Variants in TRANK1 observed in about 807,000 individuals in gnomAD.
TRANK1 encodes the protein TPR and ankyrin repeat-containing protein 1.
TRANK1 carries 198 observed loss-of-function variants against 266.0 expected under a neutral mutation model. The ratio of observed to expected loss-of-function variants is 0.74; its 90% CI spans 0.66 to 0.84. The LOEUF (loss-of-function observed/expected upper bound fraction) is 0.84. Among genes scored for constraint, TRANK1 ranks in the 40% least tolerant of loss-of-function variants. TRANK1 has a pLI of 0.00. For synonymous variants in TRANK1, 1,396 were observed against 1,384.1 expected, an observed-to-expected ratio of 1.01 and a Z score of -0.19; for missense variants, 3,326 against 3,634.6, an observed-to-expected ratio of 0.92 and a Z score of 2.18.
chr3:36,836,303 G>GTA (rs1214124265), intron 20 of TRANK1, among the ~76,000 whole-genome samples: 3 of 129,580 alleles, frequency 2.3e-5, no homozygotes, highest in Non-Finnish European at 5.1e-5. Context: ...AAGGTGCTAT[G>GTA]TGTGGGAGCC....
At position 36,833,577 on chromosome 3, in the gene TRANK1, C is replaced by T. The variant is rs758703733; in HGVS notation, c.6006G>A (p.Arg2002=). ...LLGAARLNVA[R]DSDIEHTKDI... ...CCTTGGTGTGTTCTATGTCGGAATC[C>T]CTGGCCACATTGAGGCGGGCGGCCC... Residue 2002 remains arginine, a synonymous_variant, in exon 22 of 24, where the codon AGG becomes AGA. Transcript: ENST00000645898. The T allele has an allele frequency of 4.0e-5, 64 of 1,613,798 alleles. No individual in the cohort carries two copies. The highest frequency in any genetic ancestry group is 5.2e-5 in the Non-Finnish European group (61 of 1,179,900).
At chr3:36,910,490 A>T (rs2080035532) in intron 1 of TRANK1, among the ~76,000 whole-genome samples, 1 of 152,216 alleles carries the variant, frequency 6.6e-6, no homozygotes, top group Non-Finnish European at 1.5e-5. Flanking sequence ...CTGTAATCCC[A>T]GCACTTTGGG....
chr3:36,906,920 C>T (rs1376258275), intron 2 of TRANK1, among the ~76,000 whole-genome samples: 1 of 152,168 alleles, frequency 6.6e-6, no homozygotes, highest in Non-Finnish European at 1.5e-5. Context: ...GAAACTAATA[C>T]AATAATTAAG....
Position 36,933,601 on chromosome 3 carries a change from G to A in TRANK1, c.23+11186C>T, listed in dbSNP as rs147950938. On this transcript the variant is annotated intron_variant, in intron 1 of 23. Coordinates refer to ENST00000645898, the MANE Select transcript of TRANK1 (RefSeq NM_001329998.2). ...ACACTACCTGTCACCTGCCATTTCT[G>A]GGTGGGCAGGAAAGACAGGCCTAGA... is the stretch of plus-strand genomic sequence containing the variant. Among the ~76,000 whole-genome samples, 240 of 152,318 alleles carry A rather than the reference G, an allele frequency of 1.6e-3. 2 individuals carry two copies. Among genetic ancestry groups the A allele is most frequent in the Middle Eastern group, 6.8e-3 (2 of 294 alleles).
Position 36,883,145 on chromosome 3 carries a change from A to T in TRANK1, c.907+6684T>A, listed in dbSNP as rs11921747. On this transcript the variant is annotated intron_variant, in intron 8 of 23. Transcript: ENST00000645898. ...GGAGTGATTTCCAGGACATACTCTC[A>T]GTGAAAAAAATCAGGCAAGGTGCAA... Among the ~76,000 whole-genome samples, 24 of 151,734 alleles carry T rather than the reference A, an allele frequency of 1.6e-4. No homozygotes were observed. In the East Asian group the frequency reaches 4.7e-3, roughly 30 times the overall value.
At chr3:36,860,301 G>A (rs2079124192) in intron 11 of TRANK1, among the ~76,000 whole-genome samples, 1 of 152,164 alleles carries the variant, frequency 6.6e-6, no homozygotes, top group African/African-American at 2.4e-5. Flanking sequence ...TGGCATTAGT[G>A]GAGGTGTGAG....
intron 1 of TRANK1, among the ~76,000 whole-genome samples, chr3:36,942,785 C>G (rs1415938737): frequency 6.6e-6 from 1 of 151,778 alleles, no homozygotes; most frequent in African/African-American, 2.4e-5. Context: ...TCCTCATACT[C>G]TGGGAGAGCG....
In TRANK1 at chr3:36,892,830, A is replaced by C. The variant is rs920416163; in HGVS notation, c.636+71T>G. ...GCGAAAGGGCGAGACTCAGTCTCAA[A>C]ACAAAACAAAACAAAACAAAACATA... On this transcript the variant is annotated intron_variant, in intron 6 of 23. Coordinates refer to ENST00000645898, the MANE Select transcript of TRANK1 (RefSeq NM_001329998.2). 2.3e-5 allele frequency: 14 copies of C among 615,732 alleles called. No individual in the cohort carries two copies. In the South Asian group the frequency reaches 4.1e-4, roughly 18 times the overall value. 38.1% of individuals were successfully genotyped at this position (615,732 alleles called of 1,614,324 possible). A position where few individuals can be genotyped will look rare whatever the true frequency, so the allele number is the denominator to read the frequency against.
intron 9 of TRANK1, among the ~76,000 whole-genome samples, chr3:36,870,311 G>C (rs933101244): frequency 6.6e-5 from 10 of 152,156 alleles, no homozygotes; most frequent in African/African-American, 2.4e-4. Context: ...GGAGGCTGAG[G>C]CAGGAGAATC....
In TRANK1 at chr3:36,874,190, G is replaced by C. The variant is rs921106767; in HGVS notation, c.1014C>G (p.Phe338Leu). ...GACTGTTGATTTTCTCGATGGCTTTGAAGTTCTTATTCCTCTTCAGGACAT... is the reference window on the plus strand; with the variant it reads ...GACTGTTGATTTTCTCGATGGCTTTCAAGTTCTTATTCCTCTTCAGGACAT... ...VVDVLKRNKN[F>L]KAIEKINSHL... The change falls in exon 9 of 24, where the codon TTC becomes TTG. Residue 338 changes from phenylalanine (F) to leucine (L), a missense_variant. Phe to Leu is a conservative substitution (Grantham distance 22). Coordinates refer to ENST00000645898, the MANE Select transcript of TRANK1 (RefSeq NM_001329998.2). 2.6e-6 allele frequency: 4 copies of C among 1,537,418 alleles called. No homozygotes were observed. In the South Asian group the frequency reaches 4.8e-5, roughly 18 times the overall value.
At position 36,860,945 on chromosome 3, in the gene TRANK1, G is replaced by C. The variant is rs962324902; in HGVS notation, c.1456C>G (p.Arg486Gly). ...AGGCAGCCCAGAAGCTGTTTCTTCC[G>C]CTGGTCCCAGGTGCTGAGATGGGGG... Reference protein sequence around the residue: ...IIPHLSTWDQRKKQLLGCLID... With the variant: ...IIPHLSTWDQGKKQLLGCLID... The change falls in exon 11 of 24, where the codon CGG becomes GGG. Residue 486 changes from arginine to glycine, a missense_variant. Arg to Gly is a moderately radical substitution (Grantham distance 125, BLOSUM62 -2). Coordinates refer to ENST00000645898, the MANE Select transcript of TRANK1 (RefSeq NM_001329998.2). The C allele has an allele frequency of 1.1e-5, 17 of 1,537,466 alleles. No individual in the cohort carries two copies. Among genetic ancestry groups the C allele is most frequent in the Non-Finnish European group, 1.5e-5 (17 of 1,146,964 alleles).
At chr3:36,936,081 G>T (rs1452027715) in intron 1 of TRANK1, among the ~76,000 whole-genome samples, 14 of 152,142 alleles carry the variant, frequency 9.2e-5, no homozygotes, top group Admixed American at 9.2e-4. Context: ...ATATCCCCGT[G>T]AGCAATTCTA....
chr3:36,879,376 TTTTG>T (rs1395108669), intron 8 of TRANK1, among the ~76,000 whole-genome samples: 2 of 151,252 alleles, frequency 1.3e-5, no homozygotes, highest in Admixed American at 1.3e-4. Flanking sequence ...TACAGAGAGC[TTTTG>T]TTTCTTTGTT....
chr3:36,891,244 G>A lies in TRANK1; in HGVS notation c.775+958C>T, dbSNP rs143967095. 3.4e-4 allele frequency among the ~76,000 whole-genome samples: 52 copies of A among 152,232 alleles called. No individual in the cohort carries two copies. In the East Asian group the frequency reaches 9.5e-3, roughly 28 times the overall value. On this transcript the variant is annotated intron_variant, in intron 7 of 23. Coordinates refer to ENST00000645898, the MANE Select transcript of TRANK1 (RefSeq NM_001329998.2). Reference sequence around the variant, plus strand: ...AATCCCAGATACTCGGGGGGCTGACGCAGGGGAATCGCCTGAACCCAGGAG... The same window carrying A: ...AATCCCAGATACTCGGGGGGCTGACACAGGGGAATCGCCTGAACCCAGGAG...
Position 36,899,202 on chromosome 3 carries a change from G to C in TRANK1, c.340C>G (p.Arg114Gly). ...LRLHQPYEAA[R>G]MFFEGLRLVQ... The stretch of plus-strand genomic sequence containing the variant: ...AGTCGCAGACCCTCAAAAAACATGC[G>C]AGCGGCTTCGTAAGGCTGGTGCAAC... The change falls in exon 4 of 24, where the codon CGC (arginine) becomes GGC (glycine). Residue 114 changes from arginine to glycine, a missense_variant. Coordinates refer to ENST00000645898, the MANE Select transcript of TRANK1 (RefSeq NM_001329998.2). 1.3e-6 allele frequency: 2 copies of C among 1,537,252 alleles called. No homozygotes were observed. The highest frequency in any genetic ancestry group is 1.7e-6 in the Non-Finnish European group (2 of 1,146,918).
rs1438891372 is a variant in TRANK1, at chr3:36,838,772, C to G, written c.5281-56G>C. 5 of 1,531,968 alleles carry G rather than the reference C, an allele frequency of 3.3e-6. No homozygotes were observed. The East Asian group carries it at 9.3e-5, about 29-fold the overall frequency. 94.9% of individuals were successfully genotyped at this position (1,531,968 alleles called of 1,614,324 possible). ...AAGGTAATGGAGGTAACAGACAGAA[C>G]AACGGTTAAAGCATGCATTATAAGT... On this transcript the variant is annotated intron_variant, in intron 18 of 23. Coordinates refer to ENST00000645898, the MANE Select transcript of TRANK1 (RefSeq NM_001329998.2).
chr3:36,859,328 G>A (rs2079103278), intron 11 of TRANK1, among the ~76,000 whole-genome samples: 1 of 149,374 alleles, frequency 6.7e-6, no homozygotes, highest in Non-Finnish European at 1.5e-5. Context: ...GTGCAGGTTT[G>A]TTACATAGGT....
chr3:36,883,035 C>T (rs1003209037), intron 8 of TRANK1, among the ~76,000 whole-genome samples: 6 of 151,886 alleles, frequency 4.0e-5, no homozygotes, highest in South Asian at 4.2e-4. Context: ...TCGGTGGTAA[C>T]GCAAATTGGT....
intron 8 of TRANK1, among the ~76,000 whole-genome samples, chr3:36,881,344 G>A (rs1467027099): frequency 1.3e-5 from 2 of 152,008 alleles, no homozygotes; most frequent in African/African-American, 4.8e-5. Context: ...CCCAGATACT[G>A]GGGAGGCTGA....
Sources: allele counts gnomAD v4.1 joint callset (sites outside exome capture counted in the v4.1 genomes callset), GRCh38; gene constraint gnomAD v4.1.1; transcripts MANE v1.5; gene names NCBI Gene and HGNC (gene_info 2026-07-23, HGNC 2026-07-21).